ERP44: variants seen among roughly 807,000 people sequenced by gnomAD.
ERP44 encodes endoplasmic reticulum resident protein 44.
ERP44 carries 25 observed loss-of-function variants against 53.4 expected under a neutral mutation model. That is an observed-to-expected ratio of 0.47 (90% confidence interval 0.34 to 0.65). ERP44 has a LOEUF of 0.65. Among genes scored for constraint, ERP44 ranks in the 30% least tolerant of loss-of-function variants. The probability of loss-of-function intolerance (pLI) is 0.01; values close to 1 mark genes in which losing one functional copy is unlikely to be tolerated. For synonymous variants in ERP44, 145 were observed against 161.2 expected, an observed-to-expected ratio of 0.90 and a Z score of 0.76; for missense variants, 338 against 493.2, an observed-to-expected ratio of 0.69 and a Z score of 2.98.
At position 100,045,982 on chromosome 9, in the gene ERP44, T is replaced by C. The variant is rs2118697041; in HGVS notation, c.286+6435A>G. Among the ~76,000 whole-genome samples, 3 of 152,294 alleles carry C rather than the reference T, an allele frequency of 2.0e-5. 1 individual carries two copies. Among genetic ancestry groups the C allele is most frequent in the Middle Eastern group, 3.4e-3 (1 of 294 alleles). On this transcript the variant is annotated intron_variant, in intron 4 of 11. Coordinates refer to ENST00000262455, the MANE Select transcript of ERP44 (RefSeq NM_015051.3). Reference sequence around the variant, plus strand: ...GTAGAAAATCTATGGACTGTATTTATAAAACTTATTGGAGCTAATAAGTTT... The same window carrying C: ...GTAGAAAATCTATGGACTGTATTTACAAAACTTATTGGAGCTAATAAGTTT...
chr9:99,984,888 A>G, intron 11 of ERP44, 79 bp downstream of exon 11: 1 of 775,990 alleles, frequency 1.3e-6, no homozygotes, highest in Non-Finnish European at 2.1e-6. Flanking sequence ...AAGCTGATGC[A>G]AGAACTTCAG....
At chr9:100,097,419 G>C (rs1290120179) in intron 1 of ERP44, among the ~76,000 whole-genome samples, 1 of 151,824 alleles carries the variant, frequency 6.6e-6, no homozygotes, top group African/African-American at 2.4e-5. Flanking sequence ...GATAAGATTA[G>C]TATCCAGTCT....
intron 4 of ERP44, among the ~76,000 whole-genome samples, chr9:100,046,145 A>G (rs570192881): frequency 6.6e-6 from 1 of 152,280 alleles, no homozygotes; most frequent in East Asian, 1.9e-4. Context: ...AGATCTCACA[A>G]AAGATGACCA....
At position 100,012,942 on chromosome 9, in the gene ERP44, T is replaced by C. The variant is rs1830489959; in HGVS notation, c.762+3380A>G. ...CCTTGGGTTTTCTTTTTGCCTTATA[T>C]ATCCCAGTCTAAGTGTTGGAAATGG... On this transcript the variant is annotated intron_variant, in intron 8 of 11. Coordinates refer to ENST00000262455, the MANE Select transcript of ERP44 (RefSeq NM_015051.3). 4.6e-5 allele frequency among the ~76,000 whole-genome samples: 7 copies of C among 152,174 alleles called. No individual in the cohort carries two copies. In the South Asian group the frequency reaches 1.4e-3, roughly 31 times the overall value.
chr9:100,043,814 CAA>C (rs1825939471), intron 4 of ERP44, among the ~76,000 whole-genome samples: 1 of 151,764 alleles, frequency 6.6e-6, no homozygotes, highest in Admixed American at 6.6e-5. Context: ...TATGTATCTA[CAA>C]AAGTTAGATA....
intron 4 of ERP44, among the ~76,000 whole-genome samples, chr9:100,038,020 C>A (rs908437477): frequency 1.3e-5 from 2 of 151,946 alleles, no homozygotes; most frequent in African/African-American, 4.8e-5. Flanking sequence ...AAACATCCTT[C>A]AAATATGAAA....
intron 4 of ERP44, among the ~76,000 whole-genome samples, chr9:100,027,027 C>T (rs1391862190): frequency 6.6e-6 from 1 of 152,050 alleles, no homozygotes; most frequent in Non-Finnish European, 1.5e-5. Context: ...ATGCATAAAC[C>T]AGGAGTAGAA....
intron 10 of ERP44, chr9:99,998,529 GCTAAT>G: frequency 2.8e-6 from 2 of 720,218 alleles, no homozygotes; most frequent in Non-Finnish European, 5.2e-6. Context: ...CCCCATCTCT[GCTAAT>G]CTTCACGCCT....
intron 10 of ERP44, among the ~76,000 whole-genome samples, chr9:99,986,307 G>C (rs1830195161): frequency 6.6e-6 from 1 of 152,122 alleles, no homozygotes; most frequent in Non-Finnish European, 1.5e-5. Context: ...ATAAGTAAAA[G>C]ATACCTGCAT....
rs1587957699 is a variant in ERP44, at chr9:99,998,678, C to T, written c.1016+7828G>A. 9 of 750,916 alleles carry T rather than the reference C, an allele frequency of 1.2e-5. No individual in the cohort carries two copies. The East Asian group carries it at 2.2e-4, about 19-fold the overall frequency. 46.5% of individuals were successfully genotyped at this position (750,916 alleles called of 1,614,324 possible). On this transcript the variant is annotated intron_variant, in intron 10 of 11. Coordinates refer to ENST00000262455, the MANE Select transcript of ERP44 (RefSeq NM_015051.3). The stretch of plus-strand genomic sequence containing the variant: ...CTCTTTGTCACTGCTGCTGTGTGAC[C>T]TTAATCCTTACTTCTCTGCAATTTT...
At chr9:100,076,421 A>G (rs188815560) in intron 1 of ERP44, among the ~76,000 whole-genome samples, 155 of 152,308 alleles carry the variant, frequency 1.0e-3, no homozygotes, top group Admixed American at 2.0e-3. Context: ...GAGGAAGAGA[A>G]GACTAGGGCC....
In ERP44 at chr9:99,979,686, C is replaced by T. The variant is rs192330481; in HGVS notation, c.*2926G>A. On this transcript the variant is annotated 3_prime_UTR_variant, in exon 12 of 12. Transcript: ENST00000262455. ...CCCCTTTTGGTTCTGGGGACTCAAC[C>T]GTGTTCTTCAGTCTGGTCTTGCATC... 3.1e-5 allele frequency: 11 copies of T among 351,054 alleles called. No individual in the cohort carries two copies. The highest frequency in any genetic ancestry group is 6.3e-5 in the African/African-American group (3 of 47,788). 21.7% of individuals were successfully genotyped at this position (351,054 alleles called of 1,614,324 possible).
chr9:99,991,778 TAAA>T (rs1271413822), intron 10 of ERP44, among the ~76,000 whole-genome samples: 3 of 151,042 alleles, frequency 2.0e-5, no homozygotes, highest in East Asian at 1.9e-4. Flanking sequence ...GCAAGACTAA[TAAA>T]GAAGAAAAGA....
intron 6 of ERP44, among the ~76,000 whole-genome samples, chr9:100,018,724 T>C (rs1236296535): frequency 6.6e-6 from 1 of 152,204 alleles, no homozygotes; most frequent in East Asian, 1.9e-4. Flanking sequence ...CCTAGTACAG[T>C]ATCTGGCACA....
intron 1 of ERP44, among the ~76,000 whole-genome samples, chr9:100,075,984 C>A (rs1826351365): frequency 6.6e-6 from 1 of 152,174 alleles, no homozygotes; most frequent in Non-Finnish European, 1.5e-5. Flanking sequence ...GGGATGCTGT[C>A]TGCAGCCTTT....
chr9:100,012,246 T>C (rs777083058), intron 8 of ERP44, among the ~76,000 whole-genome samples: 34 of 152,226 alleles, frequency 2.2e-4, no homozygotes, highest in Non-Finnish European at 4.0e-4. Context: ...AGATATGCAA[T>C]GAATTTGCAT....
intron 10 of ERP44, among the ~76,000 whole-genome samples, chr9:100,001,355 T>C (rs1170113094): frequency 6.6e-6 from 1 of 152,178 alleles, no homozygotes; most frequent in Non-Finnish European, 1.5e-5. Flanking sequence ...GTATGTTAGG[T>C]CCCTTTGAGC....
chr9:100,010,392 G>C (rs1292310653), intron 8 of ERP44, among the ~76,000 whole-genome samples: 4 of 152,188 alleles, frequency 2.6e-5, no homozygotes, highest in Non-Finnish European at 5.9e-5. Flanking sequence ...CAACCACGGG[G>C]AAGGGAGATG....
chr9:100,082,563 A>G (rs901402692), intron 1 of ERP44, among the ~76,000 whole-genome samples: 2 of 152,060 alleles, frequency 1.3e-5, no homozygotes, highest in Non-Finnish European at 2.9e-5. Flanking sequence ...ATGGGTACCT[A>G]CAGGAGATTG....
Sources: allele counts gnomAD v4.1 joint callset (sites outside exome capture counted in the v4.1 genomes callset), GRCh38; gene constraint gnomAD v4.1.1; transcripts MANE v1.5; gene names NCBI Gene and HGNC (gene_info 2026-07-23, HGNC 2026-07-21).